PIK3R4: variants seen among roughly 807,000 people sequenced by gnomAD.
The protein encoded by PIK3R4 is phosphoinositide-3-kinase regulatory subunit 4.
In PIK3R4, 46 loss-of-function variants were observed where a neutral mutation model predicts 136.5. The observed-to-expected ratio is 0.34, with a 90% confidence interval of 0.27 to 0.43. The LOEUF is 0.43. Among genes scored for constraint, PIK3R4 ranks in the 20% least tolerant of loss-of-function variants. The probability of loss-of-function intolerance (pLI) is 1.00; values close to 1 mark genes in which losing one functional copy is unlikely to be tolerated. For synonymous variants in PIK3R4, 557 were observed against 566.7 expected (o/e 0.98, Z 0.24); for missense variants, 1,331 against 1,649.5 (o/e 0.81, Z 3.35).
intron 2 of PIK3R4, among the ~76,000 whole-genome samples, chr3:130,739,486 C>T (rs2066807921): frequency 1.3e-5 from 2 of 152,176 alleles, no homozygotes; most frequent in Non-Finnish European, 2.9e-5. Context: ...ATCCTCCCAT[C>T]TCAGCTTCCC....
At position 130,733,698 on chromosome 3, in the gene PIK3R4, T is replaced by C. The variant is rs2066770967; in HGVS notation, c.1300A>G (p.Arg434Gly). The C allele has an allele frequency of 6.2e-7, 1 of 1,614,052 alleles. No individual in the cohort carries two copies. Among genetic ancestry groups the C allele is most frequent in the African/African-American group, 1.3e-5 (1 of 74,940 alleles). ...GTCAACGTCCTCAAGGCTTCAGCCC[T>C]CACCCTAGGAACAGAGTCATTGCTG... ...HFSNDSVPRV[R>G]AEALRTLTKV... Residue 434 changes from arginine (R) to glycine (G), a missense_variant, in exon 4 of 20, where the codon AGG (arginine) becomes GGG (glycine). Physicochemically the swap from Arg to Gly is moderately radical, Grantham distance 125. This residue lies in a region of PIK3R4 where 1,180 missense variants were observed against 1,407.0 expected (regional missense o/e 0.84). Coordinates refer to ENST00000356763, the MANE Select transcript of PIK3R4 (RefSeq NM_014602.3).
chr3:130,700,323 T>C (rs959059488), intron 13 of PIK3R4, among the ~76,000 whole-genome samples: 3 of 152,232 alleles, frequency 2.0e-5, no homozygotes, highest in African/African-American at 7.2e-5. Flanking sequence ...TTCACTGTGA[T>C]AGAACTCCAT....
chr3:130,704,955 G>A (rs577578360), intron 12 of PIK3R4, among the ~76,000 whole-genome samples: 6 of 151,738 alleles, frequency 4.0e-5, no homozygotes, highest in African/African-American at 7.3e-5. Context: ...CTTAGCCTCC[G>A]GAGTAGCTGG....
rs533751327 is a variant in PIK3R4, at chr3:130,709,977, A to C, written c.2332-1485T>G. 2.6e-5 allele frequency among the ~76,000 whole-genome samples: 4 copies of C among 152,288 alleles called. No homozygotes were observed. The South Asian group carries it at 6.2e-4, about 24-fold the overall frequency. ...TGCACAACTCTGCAAATGTATTAAA[A>C]ACCAGCAAGTTGTACACTTTAAGAG... On this transcript the variant is annotated intron_variant, in intron 9 of 19. Transcript: ENST00000356763.
intron 13 of PIK3R4, among the ~76,000 whole-genome samples, chr3:130,692,155 G>A (rs2066523157): frequency 6.6e-6 from 1 of 152,004 alleles, no homozygotes; most frequent in Non-Finnish European, 1.5e-5. Context: ...GATTACAGGT[G>A]TGAGCCACCA....
At chr3:130,708,003 T>C (rs1188685365) in intron 10 of PIK3R4, among the ~76,000 whole-genome samples, 1 of 152,194 alleles carries the variant, frequency 6.6e-6, no homozygotes, top group Non-Finnish European at 1.5e-5. Flanking sequence ...TCTTCAATCA[T>C]ACACCTCCAT....
At chr3:130,708,640 TAA>T in intron 9 of PIK3R4, 148 bp from the exon 10 acceptor site, 1 of 661,832 alleles carries the variant, frequency 1.5e-6, no homozygotes, top group Non-Finnish European at 2.6e-6. Context: ...AAGTGAAAAA[TAA>T]AGTTAACAAT....
chr3:130,719,452 G>A (rs1461413888), intron 7 of PIK3R4, among the ~76,000 whole-genome samples: 6 of 152,106 alleles, frequency 3.9e-5, no homozygotes, highest in Non-Finnish European at 7.4e-5. Context: ...AACAGGGGAA[G>A]GAGAAAAGAT....
chr3:130,703,919 C>T, intron 12 of PIK3R4, 31 bp from the exon 13 acceptor site: 2 of 1,503,472 alleles, frequency 1.3e-6, no homozygotes, highest in Non-Finnish European at 1.8e-6. Flanking sequence ...GTATCATAAA[C>T]TGTAGTTTAC....
chr3:130,731,134 T>C (rs1045169245), intron 4 of PIK3R4, among the ~76,000 whole-genome samples: 3 of 152,224 alleles, frequency 2.0e-5, no homozygotes, highest in Admixed American at 2.0e-4. Flanking sequence ...TCACATTTAC[T>C]ATCAATTGTA....
intron 6 of PIK3R4, 86 bp downstream of exon 6, chr3:130,728,377 G>T: frequency 1.4e-6 from 1 of 715,744 alleles, no homozygotes; most frequent in South Asian, 2.2e-5. Context: ...ATGAAATTTG[G>T]TAGTATCATC....
intron 2 of PIK3R4, among the ~76,000 whole-genome samples, chr3:130,739,135 G>A (rs2066804418): frequency 6.6e-6 from 1 of 152,188 alleles, no homozygotes; most frequent in South Asian, 2.1e-4. Context: ...GGACTGCAGT[G>A]GCGCTATCTC....
intron 13 of PIK3R4, among the ~76,000 whole-genome samples, chr3:130,692,757 C>T (rs1330114804): frequency 6.6e-6 from 1 of 152,226 alleles, no homozygotes; most frequent in African/African-American, 2.4e-5. Context: ...GTAAAGACAG[C>T]CAGTGACAAG....
intron 7 of PIK3R4, 99 bp downstream of exon 7, chr3:130,723,315 A>G: frequency 9.9e-7 from 1 of 1,010,054 alleles, no homozygotes; most frequent in South Asian, 1.7e-5. Context: ...ACCCCACACA[A>G]TCAATAGCAG....
At chr3:130,735,539 T>C (rs1385200196) in intron 3 of PIK3R4, among the ~76,000 whole-genome samples, 1 of 152,242 alleles carries the variant, frequency 6.6e-6, no homozygotes, top group Non-Finnish European at 1.5e-5. Flanking sequence ...GTCTTCTTCA[T>C]TTCTTACTAG....
chr3:130,726,138 T>C lies in PIK3R4; in HGVS notation c.1807+2325A>G, dbSNP rs1194930891. ...ACGTTGCATATTTATACCAAATATA[T>C]AGATTATCTATATATGACAGAAAAA... is the stretch of plus-strand genomic sequence containing the variant. On this transcript the variant is annotated intron_variant, in intron 6 of 19. Transcript: ENST00000356763. Among the ~76,000 whole-genome samples, 6 of 151,990 alleles carry C rather than the reference T, an allele frequency of 3.9e-5. No individual in the cohort carries two copies. The East Asian group carries it at 7.7e-4, about 19-fold the overall frequency.
At chr3:130,741,687 T>G (rs993295167) in intron 2 of PIK3R4, among the ~76,000 whole-genome samples, 2 of 152,098 alleles carry the variant, frequency 1.3e-5, no homozygotes, top group African/African-American at 4.8e-5. Context: ...CTATAACACA[T>G]CACTAACCAA....
rs907745538 is a variant in PIK3R4, at chr3:130,686,468, T to C, written c.3264-46A>G. 6 of 1,115,894 alleles carry C rather than the reference T, an allele frequency of 5.4e-6. No individual in the cohort carries two copies. The East Asian group carries it at 7.1e-5, about 13-fold the overall frequency. The allele number at this position is 1,115,894 out of a possible 1,614,324, so 69.1% of individuals were successfully genotyped here. On this transcript the variant is annotated intron_variant, in intron 14 of 19. Coordinates refer to ENST00000356763, the MANE Select transcript of PIK3R4 (RefSeq NM_014602.3). ...CAGACGTTTCCAGTCACTGAAAACATAGCACTAGTCTCCCTTTAAGATGAC... is the reference window on the plus strand; with the variant it reads ...CAGACGTTTCCAGTCACTGAAAACACAGCACTAGTCTCCCTTTAAGATGAC...
chr3:130,740,125 CAAT>C (rs773984514), intron 2 of PIK3R4, among the ~76,000 whole-genome samples: 78 of 152,058 alleles, frequency 5.1e-4, no homozygotes, highest in Non-Finnish European at 8.2e-4. Flanking sequence ...TTTGATTCTA[CAAT>C]AATTTCAAAC....
Sources: gnomAD v4.1 joint callset for allele counts (sites outside exome capture counted in the v4.1 genomes callset) on GRCh38, gnomAD v4.1.1 for gene constraint, gnomAD v4.1.1 regional missense constraint, MANE v1.5 for transcripts, NCBI Gene and HGNC (gene_info 2026-07-23, HGNC 2026-07-21) for gene names.